KRCC1: variants seen among roughly 807,000 people sequenced by gnomAD.
The protein encoded by KRCC1 is lysine rich coiled-coil 1.
In KRCC1, 3 loss-of-function variants were observed where a neutral mutation model predicts 7.4. The ratio of observed to expected loss-of-function variants is 0.40; its 90% CI spans 0.18 to 1.04. The LOEUF is 1.04. Among genes scored for constraint, KRCC1 ranks in the 50% least tolerant of loss-of-function variants. KRCC1 has a pLI of 0.33. For synonymous variants in KRCC1, 102 were observed against 101.6 expected, an observed-to-expected ratio of 1.00 and a Z score of -0.02; for missense variants, 277 against 300.9, an observed-to-expected ratio of 0.92 and a Z score of 0.59.
chr2:88,046,848 T>A (rs975258263), intron 1 of KRCC1, among the ~76,000 whole-genome samples: 8 of 152,000 alleles, frequency 5.3e-5, no homozygotes, highest in East Asian at 1.9e-4. Flanking sequence ...TTTTTTATAT[T>A]TTTTTTGCAG....
chr2:88,035,712 G>T (rs1673078383), intron 2 of KRCC1, among the ~76,000 whole-genome samples: 1 of 152,114 alleles, frequency 6.6e-6, no homozygotes. Context: ...AGTTATGAAT[G>T]ATGTATATTT....
intron 1 of KRCC1, among the ~76,000 whole-genome samples, chr2:88,046,866 G>T (rs1353527930): frequency 6.6e-6 from 1 of 151,948 alleles, no homozygotes; most frequent in Non-Finnish European, 1.5e-5. Context: ...CAGACATGAG[G>T]TCTTGCTTTG....
At chr2:88,054,136 G>A (rs1417162648) in intron 1 of KRCC1, among the ~76,000 whole-genome samples, 1 of 152,150 alleles carries the variant, frequency 6.6e-6, no homozygotes, top group Non-Finnish European at 1.5e-5. Context: ...AGATTAAGAT[G>A]GATAAGAAAT....
At chr2:88,051,615 G>A (rs554472199) in intron 1 of KRCC1, among the ~76,000 whole-genome samples, 4 of 152,134 alleles carry the variant, frequency 2.6e-5, no homozygotes, top group South Asian at 4.1e-4. Flanking sequence ...GATATTTACC[G>A]GAAGTAAAGT....
intron 1 of KRCC1, among the ~76,000 whole-genome samples, chr2:88,052,092 C>A (rs1229000275): frequency 6.6e-6 from 1 of 152,224 alleles, no homozygotes; most frequent in African/African-American, 2.4e-5. Flanking sequence ...GCCAAAATCC[C>A]AATTGCAGGA....
At chr2:88,031,049 TTACTA>T (rs1219389168) in intron 3 of KRCC1, among the ~76,000 whole-genome samples, 1 of 146,570 alleles carries the variant, frequency 6.8e-6, no homozygotes, top group Non-Finnish European at 1.5e-5. Context: ...TATGATTTAT[TTACTA>T]TACTATATTT....
chr2:88,035,810 C>T (rs138723811), intron 2 of KRCC1, among the ~76,000 whole-genome samples: 66 of 152,214 alleles, frequency 4.3e-4, no homozygotes, highest in African/African-American at 1.5e-3. Flanking sequence ...TCACAGAGCC[C>T]GCCCTTTGAC....
rs187504873 is a variant in KRCC1 at position 88,028,360 on chromosome 2, G to A, written c.204C>T (p.Ile68=). ...TATTGCATGATCTTGGGTAGGTCTG[G>A]ATGGTTTCAGATGGGAGTCTCTGGT... is the stretch of plus-strand genomic sequence containing the variant. ...MFDQRLPSET[I]QTYPRSCNIP... The change falls in exon 4 of 4, where the codon ATC becomes ATT. Residue 68 remains isoleucine, a synonymous_variant. Transcript: ENST00000347055. 1.0e-4 allele frequency: 163 copies of A among 1,614,118 alleles called. No individual in the cohort carries two copies. The highest frequency in any genetic ancestry group is 5.8e-4 in the Admixed American group (35 of 60,018).
chr2:88,032,078 G>C (rs1673004616), intron 3 of KRCC1, among the ~76,000 whole-genome samples: 1 of 151,922 alleles, frequency 6.6e-6, no homozygotes, highest in Admixed American at 6.6e-5. Flanking sequence ...GGAGGCGGAG[G>C]GTGCAATAAG....
chr2:88,047,589 C>T (rs903591350), intron 1 of KRCC1, among the ~76,000 whole-genome samples: 5 of 152,200 alleles, frequency 3.3e-5, no homozygotes, highest in East Asian at 1.9e-4. Flanking sequence ...AGTGCGGTGG[C>T]GTGATCTTGG....
At chr2:88,048,469 G>A (rs1292091845) in intron 1 of KRCC1, among the ~76,000 whole-genome samples, 4 of 152,216 alleles carry the variant, frequency 2.6e-5, no homozygotes, top group Admixed American at 6.5e-5. Flanking sequence ...ACAGTAAATA[G>A]TATTTTTAAA....
At chr2:88,030,634 G>A (rs1429491093) in intron 3 of KRCC1, among the ~76,000 whole-genome samples, 2 of 152,108 alleles carry the variant, frequency 1.3e-5, no homozygotes, top group East Asian at 3.9e-4. Flanking sequence ...TGATTAAAAT[G>A]AAAAAGATTG....
chr2:88,029,854 A>ATT (rs11334245), intron 3 of KRCC1, among the ~76,000 whole-genome samples: 152 of 138,382 alleles, frequency 1.1e-3, no homozygotes, highest in Non-Finnish European at 1.7e-3. Flanking sequence ...ATATATATAT[A>ATT]TTTTTTTTTT....
intron 3 of KRCC1, among the ~76,000 whole-genome samples, chr2:88,029,839 A>ATAT (rs1439786843): frequency 2.6e-5 from 2 of 77,944 alleles, no homozygotes; most frequent in African/African-American, 8.5e-5. Context: ...TATATAAAAA[A>ATAT]ATATATATAT....
intron 1 of KRCC1, among the ~76,000 whole-genome samples, chr2:88,051,295 G>A (rs1238140191): frequency 2.0e-5 from 3 of 152,162 alleles, no homozygotes; most frequent in African/African-American, 7.2e-5. Context: ...TCCTCAGAAG[G>A]ATCGGTATAG....
chr2:88,031,465 T>C (rs763211913), intron 3 of KRCC1, among the ~76,000 whole-genome samples: 3 of 151,790 alleles, frequency 2.0e-5, no homozygotes, highest in Non-Finnish European at 4.4e-5. Flanking sequence ...CTACTAAAAA[T>C]ACAAAAATTA....
At chr2:88,029,855 T>TA (rs70958933) in intron 3 of KRCC1, among the ~76,000 whole-genome samples, 80,297 of 116,708 alleles carry the variant, frequency 0.69, 24,818 homozygotes, top group East Asian at 0.85. Context: ...TATATATATA[T>TA]TTTTTTTTTT....
At position 88,028,355 on chromosome 2, in the gene KRCC1, G is replaced by A. The variant is rs1672920737; in HGVS notation, c.209C>T (p.Thr70Ile). ...TGGAATATTGCATGATCTTGGGTAGGTCTGGATGGTTTCAGATGGGAGTCT... is the reference window on the plus strand; with the variant it reads ...TGGAATATTGCATGATCTTGGGTAGATCTGGATGGTTTCAGATGGGAGTCT... ...DQRLPSETIQ[T>I]YPRSCNIPQT... Residue 70 changes from threonine (T) to isoleucine (I), a missense_variant, in exon 4 of 4, where the codon ACC (threonine) becomes ATC (isoleucine). Transcript: ENST00000347055. 1.2e-6 allele frequency: 2 copies of A among 1,614,016 alleles called. No homozygotes were observed. The highest frequency in any genetic ancestry group is 1.7e-6 in the Non-Finnish European group (2 of 1,180,034).
intron 1 of KRCC1, among the ~76,000 whole-genome samples, chr2:88,052,125 T>C (rs1673503601): frequency 6.6e-6 from 1 of 152,278 alleles, no homozygotes. Context: ...AGGGCAGCTT[T>C]CATGGACTAT....
Sources: allele counts gnomAD v4.1 joint callset (sites outside exome capture counted in the v4.1 genomes callset), GRCh38; gene constraint gnomAD v4.1.1; transcripts MANE v1.5; gene names NCBI Gene and HGNC (gene_info 2026-07-23, HGNC 2026-07-21).